ELL2: variants seen among roughly 807,000 people sequenced by gnomAD.
The protein encoded by ELL2 is elongation factor for RNA polymerase II 2, also known as RNA polymerase II elongation factor ELL2.
ELL2 carries 21 observed loss-of-function variants against 72.8 expected under a neutral mutation model. That is an observed-to-expected ratio of 0.29 (90% CI 0.20 to 0.42). ELL2 has a LOEUF of 0.42. Ranked by LOEUF, ELL2 falls within the 10% of genes least tolerant of loss-of-function variation. The pLI is 1.00. For synonymous variants in ELL2, 266 were observed against 283.2 expected (o/e 0.94, Z 0.61); for missense variants, 568 against 772.8 (o/e 0.73, Z 3.14).
At chr5:95,942,630 A>G (rs1343915061) in intron 2 of ELL2, among the ~76,000 whole-genome samples, 2 of 152,204 alleles carry the variant, frequency 1.3e-5, no homozygotes, top group African/African-American at 4.8e-5. Context: ...TTTTGTTAAT[A>G]GTAAAAGCAA....
chr5:95,910,102 T>C (rs1237724991), intron 4 of ELL2, among the ~76,000 whole-genome samples: 1 of 152,220 alleles, frequency 6.6e-6, no homozygotes, highest in East Asian at 1.9e-4. Context: ...ATATATATAC[T>C]GAACATTCAC....
chr5:95,927,491 ATATAGACATACACACACG>A (rs1750374242), intron 2 of ELL2, among the ~76,000 whole-genome samples: 2 of 33,706 alleles, frequency 5.9e-5, no homozygotes, highest in Admixed American at 2.1e-4. Flanking sequence ...ACACGTGTGT[ATATAGACATACACACACG>A]TGTGTATATA....
chr5:95,930,430 A>G (rs986141390), intron 2 of ELL2, among the ~76,000 whole-genome samples: 11 of 152,204 alleles, frequency 7.2e-5, no homozygotes, highest in South Asian at 2.1e-4. Context: ...CAAGCCCCAG[A>G]TTTTGTAAAA....
At chr5:95,926,488 AG>A (rs1750285324) in intron 2 of ELL2, among the ~76,000 whole-genome samples, 1 of 152,214 alleles carries the variant, frequency 6.6e-6, no homozygotes. Flanking sequence ...ACAATAATTC[AG>A]GAATTATAAT....
At chr5:95,961,512 C>T in intron 1 of ELL2, 63 bp downstream of exon 1, 1 of 1,392,300 alleles carries the variant, frequency 7.2e-7, no homozygotes. Context: ...CACCCGGGCG[C>T]GGCCAGGCCG....
intron 9 of ELL2, among the ~76,000 whole-genome samples, 165 bp from the exon 10 acceptor site, chr5:95,891,439 CA>C (rs1748658945): frequency 6.6e-6 from 1 of 152,158 alleles, no homozygotes; most frequent in Non-Finnish European, 1.5e-5. Context: ...AAACATCTTC[CA>C]GGTAAAATTA....
chr5:95,937,847 C>G lies in ELL2; in HGVS notation c.195+5155G>C, dbSNP rs368620593. On this transcript the variant is annotated intron_variant, in intron 2 of 11. Transcript: ENST00000237853. Reference sequence around the variant, plus strand: ...GGCAAAACCAGTGGGCTAGCCAAACCAAAACATCAAGGGAAAGAAGTCGGA... The same window carrying G: ...GGCAAAACCAGTGGGCTAGCCAAACGAAAACATCAAGGGAAAGAAGTCGGA... 1.4e-4 allele frequency among the ~76,000 whole-genome samples: 21 copies of G among 152,222 alleles called. 2 individuals are homozygous for G. In the South Asian group the frequency reaches 4.4e-3, roughly 32 times the overall value.
Position 95,943,889 on chromosome 5 carries a change from T to G in ELL2, c.148-840A>C, listed in dbSNP as rs572621916. ...TAGTCTTTTGCATGATTTCCTGTAT[T>G]CAAAGTCACCAGCATATTTTTCTAT... On this transcript the variant is annotated intron_variant, in intron 1 of 11. Transcript: ENST00000237853. 1.1e-4 allele frequency among the ~76,000 whole-genome samples: 16 copies of G among 152,324 alleles called. No individual in the cohort carries two copies. The South Asian group carries it at 2.9e-3, about 28-fold the overall frequency.
At chr5:95,900,547 G>C in intron 7 of ELL2, 146 bp downstream of exon 7, 1 of 535,614 alleles carries the variant, frequency 1.9e-6, no homozygotes, top group Non-Finnish European at 3.2e-6. Flanking sequence ...TAAATTCTAG[G>C]CTAAGCTCAG....
In ELL2 at chr5:95,898,688, A is replaced by C. The variant is rs3777202; in HGVS notation, c.1077T>G (p.Ser359=). ...CAGGGGGCAGCGGGAGGCCTGCAGC[A>C]GATTTTTCACTGGTGGGATTCAAAT... ...NGHLNPTSEK[S]AAGLPLPPAA... is the part of the protein sequence containing the mutation. The change falls in exon 8 of 12, where the codon TCT becomes TCG. Residue 359 remains serine (S), a synonymous_variant. Transcript: ENST00000237853. The C allele has an allele frequency of 0.28, 452,723 of 1,610,240 alleles. 66,729 individuals carry two copies. Among genetic ancestry groups the C allele is most frequent in the African/African-American group, 0.5 (37,667 of 74,666 alleles).
rs532658791 is a variant in ELL2 at position 95,960,774 on chromosome 5, C to T, written c.147+801G>A. On this transcript the variant is annotated intron_variant, in intron 1 of 11. Transcript: ENST00000237853. Reference sequence around the variant, plus strand: ...GTGCGTGAGTCCTCAGGTCTCTCCCCAGGGCACTGTGTTGGTTTGTGTCCG... The same window carrying T: ...GTGCGTGAGTCCTCAGGTCTCTCCCTAGGGCACTGTGTTGGTTTGTGTCCG... Among the ~76,000 whole-genome samples, 24 of 152,228 alleles carry T rather than the reference C, an allele frequency of 1.6e-4. No individual in the cohort carries two copies. In the South Asian group the frequency reaches 4.1e-3, roughly 26 times the overall value.
chr5:95,932,796 T>C (rs1199458485), intron 2 of ELL2: 1 of 152,012 alleles, frequency 6.6e-6, no homozygotes, highest in African/African-American at 2.4e-5. Flanking sequence ...AATAGCAAAA[T>C]ACAGTATGTA....
chr5:95,914,628 T>C (rs1001427810), intron 3 of ELL2, among the ~76,000 whole-genome samples: 50 of 152,122 alleles, frequency 3.3e-4, no homozygotes, highest in African/African-American at 1.2e-3. Flanking sequence ...CCAAGGCAGG[T>C]GGATTGCTTG....
In ELL2 at chr5:95,886,682, T is replaced by C. The variant is rs971518146; in HGVS notation, c.*2189A>G. Reference sequence around the variant, plus strand: ...ATTAAAAAAAAAAAAAAGCCAATAGTTGACCTTCAGTTCAAGATTTCAAGA... The same window carrying C: ...ATTAAAAAAAAAAAAAAGCCAATAGCTGACCTTCAGTTCAAGATTTCAAGA... On this transcript the variant is annotated 3_prime_UTR_variant, in exon 12 of 12. Transcript: ENST00000237853. 6.8e-6 allele frequency: 1 copy of C among 148,076 alleles called. No homozygotes were observed. The highest frequency in any genetic ancestry group is 1.5e-5 in the Non-Finnish European group (1 of 67,406). The allele number at this position is 148,076 out of a possible 1,614,324, so 9.2% of individuals were successfully genotyped here.
rs748817419 is a variant in ELL2, at chr5:95,907,277, GAT to G, written c.482-497_482-496del. Among the ~76,000 whole-genome samples the G allele has an allele frequency of 8.4e-4, 101 of 119,808 alleles. 1 individual carries two copies. The highest frequency in any genetic ancestry group is 2.1e-3 in the Admixed American group (25 of 11,998). The allele number at this position is 119,808 out of a possible 152,430, so 78.6% of individuals were successfully genotyped here. On this transcript the variant is annotated intron_variant, in intron 4 of 11. Coordinates refer to ENST00000237853, the MANE Select transcript of ELL2 (RefSeq NM_012081.6). ...TCAACATCATGAGGCATCCGTTAGT[GAT>G]ATATATATATATATATATTTTTTTT... is the stretch of plus-strand genomic sequence containing the variant.
At chr5:95,948,275 C>T (rs1580534896) in intron 1 of ELL2, among the ~76,000 whole-genome samples, 4 of 149,252 alleles carry the variant, frequency 2.7e-5, no homozygotes, top group Middle Eastern at 3.4e-3. Flanking sequence ...ACTAAAAAAA[C>T]GAAAAATTAG....
At chr5:95,958,599 G>C (rs1009589048) in intron 1 of ELL2, among the ~76,000 whole-genome samples, 1 of 152,160 alleles carries the variant, frequency 6.6e-6, no homozygotes, top group Non-Finnish European at 1.5e-5. Context: ...TGTTTCCATG[G>C]CTGAGCTGAC....
chr5:95,906,197 C>T (rs1749353642), intron 5 of ELL2, among the ~76,000 whole-genome samples: 1 of 152,102 alleles, frequency 6.6e-6, no homozygotes, highest in African/African-American at 2.4e-5. Context: ...CGACAATAAT[C>T]AATACAAATT....
intron 10 of ELL2, among the ~76,000 whole-genome samples, chr5:95,890,400 T>G (rs189943171): frequency 3.3e-5 from 5 of 152,310 alleles, no homozygotes; most frequent in African/African-American, 1.2e-4. Context: ...GAGGCACCAC[T>G]ATACCACCTG....
Sources: allele counts gnomAD v4.1 joint callset (sites outside exome capture counted in the v4.1 genomes callset), GRCh38; gene constraint gnomAD v4.1.1; transcripts MANE v1.5; gene names NCBI Gene and HGNC (gene_info 2026-07-23, HGNC 2026-07-21).